NEK11: variants seen among roughly 807,000 people sequenced by gnomAD.
NEK11 encodes the protein NIMA related kinase 11, also known as serine/threonine-protein kinase Nek11.
NEK11 carries 72 observed loss-of-function variants against 80.7 expected under a neutral mutation model. The observed-to-expected ratio is 0.89, with a 90% CI of 0.74 to 1.08. The LOEUF is 1.08. Ranked by LOEUF, NEK11 falls within the 50% of genes least tolerant of loss-of-function variation. The probability of loss-of-function intolerance (pLI) is 0.00; values close to 1 mark genes in which losing one functional copy is unlikely to be tolerated. For synonymous variants in NEK11, 251 were observed against 260.7 expected (o/e 0.96, Z 0.36); for missense variants, 764 against 763.6 (o/e 1.00, Z -0.01).
At chr3:131,171,739 CTT>C (rs1445773376) in intron 14 of NEK11, among the ~76,000 whole-genome samples, 1 of 152,196 alleles carries the variant, frequency 6.6e-6, no homozygotes, top group Non-Finnish European at 1.5e-5. Flanking sequence ...AGTTATGACA[CTT>C]TGAGCAGAGG....
rs964762356 is a variant in NEK11 at position 131,106,187 on chromosome 3, A to G, written c.337-3616A>G. 5.9e-5 allele frequency among the ~76,000 whole-genome samples: 9 copies of G among 151,848 alleles called. No homozygotes were observed. In the South Asian group the frequency reaches 8.3e-4, roughly 14 times the overall value. On this transcript the variant is annotated intron_variant, in intron 4 of 17. Coordinates refer to ENST00000383366, the MANE Select transcript of NEK11 (RefSeq NM_024800.5). The stretch of plus-strand genomic sequence containing the variant: ...ACTTTTTTATAATACATTTTTTTCA[A>G]TGTGGCACAGAACATTTATTAACAG...
chr3:131,335,659 GA>G (rs1285378651), intron 17 of NEK11, among the ~76,000 whole-genome samples: 5 of 152,138 alleles, frequency 3.3e-5, no homozygotes, highest in Admixed American at 1.3e-4. Flanking sequence ...ATTCAATTAG[GA>G]AAAGAAGAAG....
intron 3 of NEK11, among the ~76,000 whole-genome samples, chr3:131,060,947 C>T (rs1395492340): frequency 6.6e-6 from 1 of 152,288 alleles, no homozygotes; most frequent in East Asian, 1.9e-4. Flanking sequence ...ATGTGTATAT[C>T]TTCCTTGGAG....
intron 5 of NEK11, among the ~76,000 whole-genome samples, chr3:131,118,170 G>A (rs1485740130): frequency 6.6e-6 from 1 of 152,178 alleles, no homozygotes; most frequent in Non-Finnish European, 1.5e-5. Flanking sequence ...TTTATTGAGA[G>A]TTTTGGGTAT....
At chr3:131,278,420 GATAGATGA>G (rs2096337746) in intron 17 of NEK11, among the ~76,000 whole-genome samples, 1 of 152,204 alleles carries the variant, frequency 6.6e-6, no homozygotes. Context: ...ATGATGAATG[GATAGATGA>G]ATTGATGGAT....
chr3:131,050,353 T>C (rs1577449639), intron 3 of NEK11, among the ~76,000 whole-genome samples: 1 of 152,324 alleles, frequency 6.6e-6, no homozygotes, highest in South Asian at 2.1e-4. Flanking sequence ...TGAGACAGGA[T>C]CAGAATCAAA....
intron 5 of NEK11, among the ~76,000 whole-genome samples, chr3:131,114,017 G>T (rs1258941363): frequency 2.6e-5 from 4 of 151,724 alleles, no homozygotes; most frequent in Non-Finnish European, 5.9e-5. Context: ...GGAATTTGGA[G>T]TGAGGAGGGG....
intron 17 of NEK11, chr3:131,325,971 T>A (rs2096961055): frequency 1.3e-5 from 2 of 152,202 alleles, no homozygotes; most frequent in Non-Finnish European, 2.9e-5. Context: ...AGCTTTCAGG[T>A]GGTCTAGACA....
At chr3:131,291,988 A>G (rs1419856902) in intron 17 of NEK11, among the ~76,000 whole-genome samples, 1 of 152,170 alleles carries the variant, frequency 6.6e-6, no homozygotes, top group Non-Finnish European at 1.5e-5. Flanking sequence ...CTAAAAAGTC[A>G]TTGCCATACT....
At chr3:131,169,580 T>C (rs764822138) in intron 13 of NEK11, among the ~76,000 whole-genome samples, 24 of 152,162 alleles carry the variant, frequency 1.6e-4, no homozygotes, top group Admixed American at 2.6e-4. Flanking sequence ...TTGGATACCA[T>C]AATACATAAG....
chr3:131,195,196 T>C (rs1276295719), intron 14 of NEK11, among the ~76,000 whole-genome samples: 1 of 152,144 alleles, frequency 6.6e-6, no homozygotes. Context: ...GTGTAGGATA[T>C]ACAACAGAAA....
intron 14 of NEK11, among the ~76,000 whole-genome samples, chr3:131,192,177 C>T (rs989462729): frequency 2.2e-4 from 34 of 152,046 alleles, no homozygotes; most frequent in African/African-American, 8.0e-4. Context: ...CCAATAAGCA[C>T]ATAAAATGAT....
At chr3:131,199,726 G>A (rs902104676) in intron 14 of NEK11, among the ~76,000 whole-genome samples, 1 of 152,032 alleles carries the variant, frequency 6.6e-6, no homozygotes, top group Non-Finnish European at 1.5e-5. Context: ...TTCTGATAAT[G>A]TAGGCTGGGT....
At chr3:131,097,327 T>G (rs1436826531) in intron 4 of NEK11, among the ~76,000 whole-genome samples, 1 of 151,772 alleles carries the variant, frequency 6.6e-6, no homozygotes, top group African/African-American at 2.4e-5. Context: ...TCCACAATGG[T>G]TGAACTAGTT....
At chr3:131,331,221 G>A (rs2097075094) in intron 17 of NEK11, among the ~76,000 whole-genome samples, 1 of 152,184 alleles carries the variant, frequency 6.6e-6, no homozygotes, top group Non-Finnish European at 1.5e-5. Flanking sequence ...CAGCTCACCG[G>A]TAACAGAACT....
chr3:131,106,044 A>G (rs1237598784), intron 4 of NEK11, among the ~76,000 whole-genome samples: 1 of 152,212 alleles, frequency 6.6e-6, no homozygotes, highest in Non-Finnish European at 1.5e-5. Flanking sequence ...TTTTAATTAG[A>G]ATTCTTAGCC....
chr3:131,139,360 A>G (rs1385047073), intron 7 of NEK11, among the ~76,000 whole-genome samples: 3 of 151,564 alleles, frequency 2.0e-5, no homozygotes, highest in Non-Finnish European at 4.4e-5. Context: ...AAAGAAAAAA[A>G]AAAAAAAAAG....
At chr3:131,043,502 GA>G (rs2066862299) in intron 3 of NEK11, among the ~76,000 whole-genome samples, 1 of 152,218 alleles carries the variant, frequency 6.6e-6, no homozygotes, top group Admixed American at 6.5e-5. Flanking sequence ...TCAAGTGGAA[GA>G]AAGTATATCA....
intron 14 of NEK11, among the ~76,000 whole-genome samples, chr3:131,209,062 T>G (rs929303094): frequency 5.9e-5 from 9 of 152,190 alleles, no homozygotes; most frequent in African/African-American, 2.2e-4. Flanking sequence ...AGGGAATGCT[T>G]TCAGTTTTTG....
Sources: allele counts gnomAD v4.1 joint callset (sites outside exome capture counted in the v4.1 genomes callset), GRCh38; gene constraint gnomAD v4.1.1; transcripts MANE v1.5; gene names NCBI Gene and HGNC (gene_info 2026-07-23, HGNC 2026-07-21).